The following TTLL5 variants were observed in gnomAD, a reference collection of about 807,000 sequenced individuals.
TTLL5 encodes tubulin polyglutamylase TTLL5.
TTLL5 carries 132 observed loss-of-function variants against 168.4 expected under a neutral mutation model. The ratio of observed to expected loss-of-function variants is 0.78; its 90% CI spans 0.68 to 0.91. TTLL5 has a LOEUF of 0.91. Among genes scored for constraint, TTLL5 ranks in the 40% least tolerant of loss-of-function variants. TTLL5 has a pLI of 0.00. For synonymous variants in TTLL5, 546 were observed against 558.6 expected (o/e 0.98, Z 0.32); for missense variants, 1,545 against 1,581.5 (o/e 0.98, Z 0.39).
intron 19 of TTLL5, among the ~76,000 whole-genome samples, chr14:75,765,600 T>A (rs1275844380): frequency 1.3e-5 from 2 of 152,156 alleles, no homozygotes; most frequent in Admixed American, 1.3e-4. Flanking sequence ...TGGTGCCTCA[T>A]GCCTGTAATC....
chr14:75,672,800 A>G (rs1883846750), intron 3 of TTLL5, among the ~76,000 whole-genome samples: 1 of 152,156 alleles, frequency 6.6e-6, no homozygotes, highest in African/African-American at 2.4e-5. Context: ...ACAACTGTTC[A>G]TAGTATTCTT....
chr14:75,779,260 G>T (rs1428373721), intron 23 of TTLL5, among the ~76,000 whole-genome samples: 1 of 152,212 alleles, frequency 6.6e-6, no homozygotes, highest in African/African-American at 2.4e-5. Flanking sequence ...CTGAACACTT[G>T]AAGTGTGGCT....
At chr14:75,947,741 T>A (rs1434757853) in intron 31 of TTLL5, among the ~76,000 whole-genome samples, 3 of 152,086 alleles carry the variant, frequency 2.0e-5, no homozygotes, top group African/African-American at 7.2e-5. Flanking sequence ...GCCCAGGAGT[T>A]TGAGACCAGT....
At chr14:75,773,221 A>G (rs993538999) in intron 21 of TTLL5, among the ~76,000 whole-genome samples, 5 of 152,236 alleles carry the variant, frequency 3.3e-5, no homozygotes, top group African/African-American at 1.2e-4. Context: ...TTCAACCATC[A>G]GTGGAAAATG....
intron 27 of TTLL5, among the ~76,000 whole-genome samples, chr14:75,793,570 C>G (rs1776214919): frequency 6.6e-6 from 1 of 152,056 alleles, no homozygotes; most frequent in African/African-American, 2.4e-5. Flanking sequence ...ATACCCTTAT[C>G]CAATATAATA....
Position 75,681,222 on chromosome 14 carries a change from A to G in TTLL5, c.182-323A>G, listed in dbSNP as rs922172257. 2.5e-4 allele frequency among the ~76,000 whole-genome samples: 38 copies of G among 152,222 alleles called. 1 individual carries two copies. The highest frequency in any genetic ancestry group is 1.5e-4 in the Non-Finnish European group (10 of 68,040). On this transcript the variant is annotated intron_variant, in intron 3 of 31. Coordinates refer to ENST00000298832, the MANE Select transcript of TTLL5 (RefSeq NM_015072.5). ...GATATACTGTAAAATAATATTAAAA[A>G]TATCTGATGTCTGTTAGTGGCAGGG...
intron 27 of TTLL5, among the ~76,000 whole-genome samples, chr14:75,809,144 A>C (rs1354764420): frequency 2.6e-5 from 4 of 152,182 alleles, no homozygotes; most frequent in African/African-American, 9.7e-5. Context: ...GGAGAATCTA[A>C]TTAAAGCTTT....
intron 31 of TTLL5, among the ~76,000 whole-genome samples, chr14:75,911,258 C>T (rs1253536110): frequency 6.6e-6 from 1 of 152,086 alleles, no homozygotes; most frequent in East Asian, 1.9e-4. Flanking sequence ...GCCTCGAACT[C>T]CTGACCTCAA....
intron 31 of TTLL5, among the ~76,000 whole-genome samples, chr14:75,917,252 T>A (rs147557232): frequency 1.3e-5 from 2 of 152,322 alleles, no homozygotes; most frequent in African/African-American, 4.8e-5. Context: ...TACCCCAGAT[T>A]AGGTGTTTTT....
At chr14:75,939,398 T>C (rs1344543995) in intron 31 of TTLL5, among the ~76,000 whole-genome samples, 2 of 152,164 alleles carry the variant, frequency 1.3e-5, no homozygotes, top group African/African-American at 2.4e-5. Context: ...CATTTCATTT[T>C]ATTTGTTTAG....
intron 7 of TTLL5, among the ~76,000 whole-genome samples, chr14:75,703,981 A>G (rs921828178): frequency 6.6e-6 from 1 of 152,212 alleles, no homozygotes; most frequent in Non-Finnish European, 1.5e-5. Context: ...GGGACTTTGT[A>G]ATTAGAACCA....
At chr14:75,912,790 A>C (rs1343597991) in intron 31 of TTLL5, among the ~76,000 whole-genome samples, 1 of 152,230 alleles carries the variant, frequency 6.6e-6, no homozygotes. Context: ...AAAAATAGTC[A>C]ATAGTAGCTT....
chr14:75,906,796 G>A, intron 31 of TTLL5: 2 of 925,272 alleles, frequency 2.2e-6, no homozygotes, highest in Admixed American at 6.2e-5. Flanking sequence ...GTGAAGTTGG[G>A]GCTTTATAAA....
At chr14:75,694,472 G>C (rs1283785325) in intron 6 of TTLL5, among the ~76,000 whole-genome samples, 2 of 152,106 alleles carry the variant, frequency 1.3e-5, no homozygotes, top group Non-Finnish European at 2.9e-5. Flanking sequence ...GAGTAGCTGG[G>C]ATTACAGATG....
intron 20 of TTLL5, 139 bp from the exon 21 acceptor site, chr14:75,771,595 A>C (rs761954448): frequency 6.6e-6 from 8 of 1,221,212 alleles, no homozygotes; most frequent in Non-Finnish European, 6.8e-6. Flanking sequence ...ATCCTTATTC[A>C]CAGGCTGTAA....
intron 31 of TTLL5, among the ~76,000 whole-genome samples, chr14:75,950,440 T>C (rs1377973736): frequency 1.3e-5 from 2 of 152,200 alleles, no homozygotes; most frequent in Non-Finnish European, 2.9e-5. Flanking sequence ...TAAGAACTTC[T>C]AAGATGCCAT....
At chr14:75,923,923 G>C (rs953025108) in intron 31 of TTLL5, among the ~76,000 whole-genome samples, 18 of 152,148 alleles carry the variant, frequency 1.2e-4, no homozygotes, top group Admixed American at 7.2e-4. Flanking sequence ...AGGATAGTTA[G>C]CTCTTCTTGT....
intron 9 of TTLL5, among the ~76,000 whole-genome samples, chr14:75,714,254 G>T (rs1476743004): frequency 2.0e-5 from 3 of 152,116 alleles, no homozygotes; most frequent in Non-Finnish European, 4.4e-5. Context: ...TCATTTAGTG[G>T]TGTTTGACCA....
intron 27 of TTLL5, among the ~76,000 whole-genome samples, chr14:75,817,281 T>A (rs1894485123): frequency 6.6e-6 from 1 of 152,122 alleles, no homozygotes; most frequent in Admixed American, 6.5e-5. Context: ...CCCAGCCTCT[T>A]CCCTGCCTTT....
Sources: gnomAD v4.1 joint callset for allele counts (sites outside exome capture counted in the v4.1 genomes callset) on GRCh38, gnomAD v4.1.1 for gene constraint, MANE v1.5 for transcripts, NCBI Gene and HGNC (gene_info 2026-07-23, HGNC 2026-07-21) for gene names.